SCN10A: variants seen among roughly 807,000 people sequenced by gnomAD.
SCN10A encodes the protein sodium channel protein type 10 subunit alpha.
SCN10A carries 162 observed loss-of-function variants against 170.7 expected under a neutral mutation model. That is an observed-to-expected ratio of 0.95 (90% CI 0.84 to 1.08). The LOEUF is 1.08. Ranked by LOEUF, SCN10A falls within the 50% of genes least tolerant of loss-of-function variation. The pLI is 0.00. For missense variants in SCN10A, 2,527 were observed against 2,436.9 expected, an observed-to-expected ratio of 1.04 and a Z score of -0.78; for synonymous variants, 985 against 904.6, an observed-to-expected ratio of 1.09 and a Z score of -1.59.
rs778389269 is a variant in SCN10A at position 38,712,252 on chromosome 3, T to A, written c.3998A>T (p.Lys1333Met). The A allele has an allele frequency of 6.2e-7, 1 of 1,614,234 alleles. No homozygotes were observed. Among genetic ancestry groups the A allele is most frequent in the South Asian group, 1.1e-5 (1 of 91,086 alleles). Reference protein sequence around the residue: ...LSIVNNKSDCKIQNSTGSFFW... With the variant: ...LSIVNNKSDCMIQNSTGSFFW... ...GAAGCTGCCAGTGGAGTTTTGAATC[T>A]TGCAGTCAGACTTGTTATTCACAAT... The change falls in exon 23 of 28, where the codon AAG becomes ATG. Residue 1333 changes from lysine (K) to methionine (M), a missense_variant. Transcript: ENST00000449082.
intron 15 of SCN10A, among the ~76,000 whole-genome samples, chr3:38,737,964 G>T (rs1032965461): frequency 6.7e-6 from 1 of 149,788 alleles, no homozygotes; most frequent in Non-Finnish European, 1.5e-5. Context: ...TTTTGAGACA[G>T]GTTCTTACTC....
rs149438235 is a variant in SCN10A at position 38,761,483 on chromosome 3, G to C, written c.692-100C>G. On this transcript the variant is annotated intron_variant, in intron 6 of 27. Coordinates refer to ENST00000449082, the MANE Select transcript of SCN10A (RefSeq NM_006514.4). ...TCCTCCTTCATCTCTACATACAGGA[G>C]TGAAGTATGTACACACTCCAGGGCA... is the stretch of plus-strand genomic sequence containing the variant. 873 of 1,031,988 alleles carry C rather than the reference G, an allele frequency of 8.5e-4. 7 individuals are homozygous for C. The African/African-American group carries it at 0.013, about 15-fold the overall frequency. 63.9% of individuals were successfully genotyped at this position (1,031,988 alleles called of 1,614,324 possible).
chr3:38,754,353 C>T (rs911441299), intron 11 of SCN10A, among the ~76,000 whole-genome samples: 19 of 152,234 alleles, frequency 1.2e-4, no homozygotes, highest in Admixed American at 7.9e-4. Context: ...GCCTCCTCCA[C>T]CCAAATGGAA....
chr3:38,704,485 C>T (rs2063189035), intron 26 of SCN10A, among the ~76,000 whole-genome samples: 1 of 152,204 alleles, frequency 6.6e-6, no homozygotes, highest in Admixed American at 6.5e-5. Flanking sequence ...GCTAGCTGCT[C>T]TTGGATTAGC....
intron 17 of SCN10A, 39 bp downstream of exon 17, chr3:38,726,567 C>T: frequency 6.6e-7 from 1 of 1,505,364 alleles, no homozygotes; most frequent in Non-Finnish European, 9.0e-7. Context: ...TGAAGCCCCT[C>T]CCCACTGCCT....
At chr3:38,809,393 C>T (rs1301155871) in intron 1 of SCN10A, among the ~76,000 whole-genome samples, 2 of 152,226 alleles carry the variant, frequency 1.3e-5, no homozygotes, top group African/African-American at 2.4e-5. Flanking sequence ...AGGGGCTTCT[C>T]TCTTGAAACT....
At chr3:38,737,000 C>T (rs2063571606) in intron 15 of SCN10A, among the ~76,000 whole-genome samples, 1 of 63,558 alleles carries the variant, frequency 1.6e-5, no homozygotes, top group African/African-American at 6.9e-5. Context: ...AGACGGAGTC[C>T]CGCTGTTTAG....
rs898799391 is a variant in SCN10A at position 38,755,739 on chromosome 3, G to A, written c.1461+49C>T. On this transcript the variant is annotated intron_variant, in intron 11 of 27. Coordinates refer to ENST00000449082, the MANE Select transcript of SCN10A (RefSeq NM_006514.4). ...TTCCCACTCCAACTCATTGTCTACG[G>A]CAGCTGCAATGGTGGGTAATCTTTA... 3.1e-6 allele frequency: 5 copies of A among 1,600,290 alleles called. No individual in the cohort carries two copies. In the African/African-American group the frequency reaches 6.7e-5, roughly 21 times the overall value.
intron 1 of SCN10A, among the ~76,000 whole-genome samples, chr3:38,809,823 T>C (rs1385354498): frequency 1.3e-5 from 2 of 152,110 alleles, no homozygotes; most frequent in African/African-American, 4.8e-5. Context: ...ATAATAAAAA[T>C]AAATAAGGGC....
rs1275108853 is a variant in SCN10A at position 38,726,783 on chromosome 3, G to A, written c.2910C>T (p.Ser970=). Residue 970 remains serine (S), a synonymous_variant, in exon 17 of 28, where the codon AGC becomes AGT. Coordinates refer to ENST00000449082, the MANE Select transcript of SCN10A (RefSeq NM_006514.4). Reference sequence around the variant, plus strand: ...CTCTGGGAGCTTGGAGCCCTCCAGAGCTCCCCCTGGCAGTGTTGGCAGCAA... The same window carrying A: ...CTCTGGGAGCTTGGAGCCCTCCAGAACTCCCCCTGGCAGTGTTGGCAGCAA... ...NHIAANTARG[S]SGGLQAPRGP... is the part of the protein sequence containing the mutation. 7 of 1,611,324 alleles carry A rather than the reference G, an allele frequency of 4.3e-6. No homozygotes were observed. In the South Asian group the frequency reaches 5.5e-5, roughly 13 times the overall value.
chr3:38,795,605 T>A (rs2064335992), intron 1 of SCN10A, among the ~76,000 whole-genome samples: 1 of 152,152 alleles, frequency 6.6e-6, no homozygotes, highest in African/African-American at 2.4e-5. Context: ...GACAATTTCC[T>A]CCTTAAAATA....
intron 11 of SCN10A, among the ~76,000 whole-genome samples, chr3:38,755,059 T>TG (rs1312385904): frequency 2.6e-5 from 4 of 151,778 alleles, no homozygotes; most frequent in Non-Finnish European, 5.9e-5. Context: ...AAAGTTATTA[T>TG]GGGGGGAAAA....
intron 26 of SCN10A, among the ~76,000 whole-genome samples, chr3:38,702,484 C>A (rs532092884): frequency 1.3e-5 from 2 of 152,236 alleles, no homozygotes; most frequent in African/African-American, 4.8e-5. Flanking sequence ...ACACACTACC[C>A]TGTCCCTTTG....
At chr3:38,735,583 T>C (rs1228984758) in intron 15 of SCN10A, among the ~76,000 whole-genome samples, 1 of 152,230 alleles carries the variant, frequency 6.6e-6, no homozygotes, top group Non-Finnish European at 1.5e-5. Context: ...GGCAAGATAA[T>C]TCTAAAGTGA....
intron 27 of SCN10A, among the ~76,000 whole-genome samples, chr3:38,699,070 C>A (rs921199794): frequency 1.3e-5 from 2 of 152,126 alleles, no homozygotes; most frequent in Non-Finnish European, 2.9e-5. Flanking sequence ...GTTTCTGGCA[C>A]CCGGTCCTGT....
At chr3:38,701,811 C>T (rs2063158649) in intron 27 of SCN10A, 28 bp downstream of exon 27, 1 of 1,572,172 alleles carries the variant, frequency 6.4e-7, no homozygotes, top group African/African-American at 1.4e-5. Flanking sequence ...AGAGGTGGGG[C>T]TTCCCCACCA....
chr3:38,723,374 C>T, intron 19 of SCN10A, 56 bp downstream of exon 19: 1 of 1,608,148 alleles, frequency 6.2e-7, no homozygotes, highest in South Asian at 1.1e-5. Flanking sequence ...GTTCGCTCAA[C>T]TGGATTCTGG....
intron 3 of SCN10A, 64 bp downstream of exon 3, chr3:38,791,986 G>A: frequency 6.3e-7 from 1 of 1,587,464 alleles, no homozygotes; most frequent in South Asian, 1.1e-5. Context: ...TCTAAAGAAG[G>A]TACTGGACAC....
At chr3:38,728,994 A>T (rs1479627712) in intron 15 of SCN10A, 93 bp from the exon 16 acceptor site, 1 of 1,481,844 alleles carries the variant, frequency 6.7e-7, no homozygotes, top group African/African-American at 1.4e-5. Context: ...TGGGAAAAAC[A>T]CAAGGCCTCT....
Sources: gnomAD v4.1 joint callset for allele counts (sites outside exome capture counted in the v4.1 genomes callset) on GRCh38, gnomAD v4.1.1 for gene constraint, MANE v1.5 for transcripts, NCBI Gene and HGNC (gene_info 2026-07-23, HGNC 2026-07-21) for gene names.